DCLK1: variants seen among roughly 807,000 people sequenced by gnomAD.
DCLK1 encodes the protein doublecortin like kinase 1.
DCLK1 carries 16 observed loss-of-function variants against 86.2 expected under a neutral mutation model. That is an observed-to-expected ratio of 0.19 (90% CI 0.13 to 0.28). The LOEUF is 0.28. Among genes scored for constraint, DCLK1 ranks in the 10% least tolerant of loss-of-function variants. The pLI is 1.00. For synonymous variants in DCLK1, 369 were observed against 370.5 expected (o/e 1.00, Z 0.05); for missense variants, 590 against 940.2 (o/e 0.63, Z 4.87).
At chr13:36,025,622 G>C (rs143445775) in intron 3 of DCLK1, among the ~76,000 whole-genome samples, 1 of 152,222 alleles carries the variant, frequency 6.6e-6, no homozygotes, top group Non-Finnish European at 1.5e-5. Context: ...TCAGGCAAAA[G>C]AATGCAAAAC....
chr13:36,122,057 T>C (rs1004555288), intron 2 of DCLK1, among the ~76,000 whole-genome samples: 17 of 152,160 alleles, frequency 1.1e-4, no homozygotes, highest in Admixed American at 7.2e-4. Flanking sequence ...AAATTAATTT[T>C]AAAAAATTCA....
chr13:35,918,830 C>T (rs1392440634), intron 4 of DCLK1, among the ~76,000 whole-genome samples: 1 of 147,802 alleles, frequency 6.8e-6, no homozygotes, highest in African/African-American at 2.5e-5. Context: ...CACAAGTGCT[C>T]CTATTTAATT....
intron 3 of DCLK1, among the ~76,000 whole-genome samples, chr13:36,042,718 C>T (rs1167695731): frequency 1.3e-5 from 2 of 152,120 alleles, no homozygotes; most frequent in Admixed American, 6.6e-5. Context: ...AATGGAGCCA[C>T]CAATATGGTT....
intron 2 of DCLK1, among the ~76,000 whole-genome samples, chr13:36,121,288 T>C (rs2138210027): frequency 6.6e-6 from 1 of 152,288 alleles, no homozygotes. Flanking sequence ...AGTTACCTTC[T>C]GGGCAAATTA....
intron 3 of DCLK1, among the ~76,000 whole-genome samples, chr13:36,087,130 G>T (rs1385196637): frequency 1.3e-5 from 2 of 152,104 alleles, no homozygotes; most frequent in African/African-American, 4.8e-5. Flanking sequence ...AGCATCTGTT[G>T]TTTCCTGACT....
intron 3 of DCLK1, among the ~76,000 whole-genome samples, chr13:36,026,595 A>G (rs1455909533): frequency 6.6e-6 from 1 of 152,206 alleles, no homozygotes; most frequent in Non-Finnish European, 1.5e-5. Context: ...GAATTTATTA[A>G]ATGGAATCGA....
intron 4 of DCLK1, among the ~76,000 whole-genome samples, chr13:35,894,307 C>A (rs549796542): frequency 3.3e-5 from 5 of 152,128 alleles, no homozygotes; most frequent in African/African-American, 1.2e-4. Flanking sequence ...AGGCTTAGCA[C>A]GGCAAGGAAT....
At chr13:35,967,232 C>T (rs527413459) in intron 3 of DCLK1, among the ~76,000 whole-genome samples, 252 of 151,516 alleles carry the variant, frequency 1.7e-3, no homozygotes, top group African/African-American at 2.8e-3. Context: ...GCCCGGCCGC[C>T]GCCCCGTCTG....
chr13:35,958,187 CACT>C (rs1593768336), intron 3 of DCLK1, among the ~76,000 whole-genome samples: 24 of 135,212 alleles, frequency 1.8e-4, no homozygotes, highest in African/African-American at 3.8e-4. Flanking sequence ...CTATAACCAC[CACT>C]ACCACCACCA....
chr13:35,811,352 AAGTCTG>A, intron 11 of DCLK1, among the ~76,000 whole-genome samples: 1 of 151,974 alleles, frequency 6.6e-6, no homozygotes, highest in African/African-American at 2.4e-5. Flanking sequence ...AAAAAAGAAA[AAGTCTG>A]AAAGAACACA....
intron 11 of DCLK1, among the ~76,000 whole-genome samples, chr13:35,812,379 C>T (rs2087166633): frequency 6.6e-6 from 1 of 152,204 alleles, no homozygotes; most frequent in African/African-American, 2.4e-5. Flanking sequence ...ATACTTGATC[C>T]AGCAAGCCGA....
intron 11 of DCLK1, among the ~76,000 whole-genome samples, chr13:35,811,814 A>C (rs974626503): frequency 1.3e-5 from 2 of 152,136 alleles, no homozygotes; most frequent in African/African-American, 4.8e-5. Context: ...AGCCTGGGCA[A>C]CAAGAGCGAA....
intron 15 of DCLK1, among the ~76,000 whole-genome samples, chr13:35,794,918 G>A (rs2086777991): frequency 1.3e-5 from 2 of 152,174 alleles, no homozygotes; most frequent in Admixed American, 6.5e-5. Context: ...CTTGTCAAGG[G>A]CTATGTTAGG....
rs1360391418 is a variant in DCLK1, at chr13:36,068,610, T to C, written c.723+43259A>G. 2.6e-5 allele frequency among the ~76,000 whole-genome samples: 4 copies of C among 152,234 alleles called. No individual in the cohort carries two copies. The East Asian group carries it at 7.7e-4, about 29-fold the overall frequency. On this transcript the variant is annotated intron_variant, in intron 3 of 16. Transcript: ENST00000360631. The stretch of plus-strand genomic sequence containing the variant: ...TCATAATTCTTTTCCAAAAATTCTA[T>C]ATTTAATAACTAGTTAATCTGATCA...
intron 3 of DCLK1, among the ~76,000 whole-genome samples, chr13:36,081,050 A>G (rs1336432641): frequency 6.6e-6 from 1 of 152,178 alleles, no homozygotes; most frequent in East Asian, 1.9e-4. Flanking sequence ...TCCGCTTTCA[A>G]TAATTACAGA....
intron 3 of DCLK1, among the ~76,000 whole-genome samples, chr13:36,033,799 C>G (rs913862227): frequency 6.6e-6 from 1 of 152,174 alleles, no homozygotes; most frequent in African/African-American, 2.4e-5. Context: ...GTGACGCATG[C>G]CTGTAATCCC....
intron 6 of DCLK1, among the ~76,000 whole-genome samples, chr13:35,853,156 A>G (rs1870779238): frequency 6.6e-6 from 1 of 152,184 alleles, no homozygotes; most frequent in Non-Finnish European, 1.5e-5. Context: ...TTCACAAATG[A>G]TTCCAACACC....
intron 2 of DCLK1, among the ~76,000 whole-genome samples, chr13:36,117,495 A>G (rs968539309): frequency 1.3e-4 from 20 of 152,174 alleles, no homozygotes; most frequent in African/African-American, 4.6e-4. Context: ...GGATAAACAC[A>G]CAATAAAGTA....
intron 3 of DCLK1, among the ~76,000 whole-genome samples, chr13:36,077,388 A>AT (rs1165707010): frequency 6.6e-6 from 1 of 152,108 alleles, no homozygotes. Context: ...CCCCTTCTAG[A>AT]TGTCACCTGG....
Sources: allele counts gnomAD v4.1 joint callset (sites outside exome capture counted in the v4.1 genomes callset), GRCh38; gene constraint gnomAD v4.1.1; transcripts MANE v1.5; gene names NCBI Gene and HGNC (gene_info 2026-07-23, HGNC 2026-07-21).